CA1: variants seen among roughly 807,000 people sequenced by gnomAD.
The protein encoded by CA1 is carbonic anhydrase 1, also known as carbonate dehydratase I.
In CA1, 27 loss-of-function variants were observed where a neutral mutation model predicts 28.8. The ratio of observed to expected loss-of-function variants is 0.94; its 90% confidence interval spans 0.69 to 1.29. The LOEUF is 1.29. Among genes scored for constraint, CA1 ranks in the 50% most tolerant of loss-of-function variants. The pLI is 0.00. For missense variants in CA1, 335 were observed against 310.5 expected (o/e 1.08, Z -0.59); for synonymous variants, 121 against 108.8 (o/e 1.11, Z -0.70).
At chr8:85,371,726 T>C (rs568667700) in intron 1 of CA1, among the ~76,000 whole-genome samples, 2 of 152,146 alleles carry the variant, frequency 1.3e-5, no homozygotes, top group Non-Finnish European at 2.9e-5. Flanking sequence ...CTTTAGAGAA[T>C]GAGAACAGTA....
chr8:85,331,699 C>A (rs1808412103), intron 6 of CA1, among the ~76,000 whole-genome samples: 1 of 152,080 alleles, frequency 6.6e-6, no homozygotes. Context: ...CTCAAGCAAT[C>A]TACCCGCCTC....
At position 85,329,784 on chromosome 8, in the gene CA1, A is replaced by G. The variant is rs773539602; in HGVS notation, c.574T>C (p.Phe192Leu). The change falls in exon 7 of 8, where the codon TTC becomes CTC. Residue 192 changes from phenylalanine to leucine, a missense_variant. Phe to Leu is a conservative substitution (Grantham distance 22). Coordinates refer to ENST00000523022, the MANE Select transcript of CA1 (RefSeq NM_001128831.4). ...GTCAGAGAGCCAGGGTAGGTCCAGAAATCCAGGGATGAAGGAAGGAGAGTA... is the reference window on the plus strand; with the variant it reads ...GTCAGAGAGCCAGGGTAGGTCCAGAGATCCAGGGATGAAGGAAGGAGAGTA... ...PSTLLPSSLD[F>L]WTYPGSLTHP... 1.9e-4 allele frequency: 302 copies of G among 1,604,832 alleles called. No individual in the cohort carries two copies. The highest frequency in any genetic ancestry group is 2.5e-4 in the Non-Finnish European group (299 of 1,174,836).
At chr8:85,367,331 A>G (rs1255195526) in intron 1 of CA1, among the ~76,000 whole-genome samples, 2 of 152,196 alleles carry the variant, frequency 1.3e-5, no homozygotes, top group Non-Finnish European at 2.9e-5. Flanking sequence ...CACATGGAGA[A>G]GTTATTTTAT....
intron 1 of CA1, among the ~76,000 whole-genome samples, chr8:85,367,748 C>T (rs1463475155): frequency 6.6e-6 from 1 of 152,168 alleles, no homozygotes; most frequent in Non-Finnish European, 1.5e-5. Flanking sequence ...CTTGTATACC[C>T]TTTGTCAGAA....
chr8:85,343,820 T>C (rs954566961), intron 1 of CA1, among the ~76,000 whole-genome samples: 5 of 151,892 alleles, frequency 3.3e-5, no homozygotes, highest in African/African-American at 1.2e-4. Context: ...GGCAGAAAAT[T>C]ATATAGAGAA....
intron 4 of CA1, among the ~76,000 whole-genome samples, chr8:85,336,554 G>T (rs1808662000): frequency 6.6e-6 from 1 of 152,146 alleles, no homozygotes; most frequent in African/African-American, 2.4e-5. Flanking sequence ...AATTGTCCTG[G>T]CTTGGCCACA....
intron 1 of CA1, among the ~76,000 whole-genome samples, chr8:85,358,888 T>C (rs1444799350): frequency 6.6e-6 from 1 of 152,130 alleles, no homozygotes; most frequent in East Asian, 1.9e-4. Flanking sequence ...TGAAATTCAC[T>C]CAGTGAGTAA....
chr8:85,344,483 T>C (rs959380414), intron 1 of CA1, among the ~76,000 whole-genome samples: 2 of 151,010 alleles, frequency 1.3e-5, no homozygotes, highest in Admixed American at 6.6e-5. Flanking sequence ...TTCAGTGTTT[T>C]TAAGTATCTA....
intron 1 of CA1, among the ~76,000 whole-genome samples, chr8:85,374,390 A>C (rs550524178): frequency 6.6e-6 from 1 of 152,300 alleles, no homozygotes; most frequent in Non-Finnish European, 1.5e-5. Context: ...TGGTTGATTA[A>C]AATTTTTGTT....
intron 4 of CA1, among the ~76,000 whole-genome samples, chr8:85,335,473 A>G (rs1417108233): frequency 6.6e-6 from 1 of 152,140 alleles, no homozygotes; most frequent in Non-Finnish European, 1.5e-5. Context: ...TTGAATTTGT[A>G]CAGCTAGTAA....
At chr8:85,358,647 T>C (rs1434965301) in intron 1 of CA1, among the ~76,000 whole-genome samples, 9 of 152,194 alleles carry the variant, frequency 5.9e-5, no homozygotes. Context: ...CTGGTATCCA[T>C]ACCCTTTTGT....
At chr8:85,344,302 AAT>A (rs768510401) in intron 1 of CA1, among the ~76,000 whole-genome samples, 40,134 of 80,168 alleles carry the variant, frequency 0.5, 10,296 homozygotes, top group Non-Finnish European at 0.58. Flanking sequence ...TATATAATAT[AAT>A]TATATATTAT....
intron 1 of CA1, among the ~76,000 whole-genome samples, chr8:85,359,228 G>A (rs1431335375): frequency 6.6e-6 from 1 of 152,196 alleles, no homozygotes; most frequent in Non-Finnish European, 1.5e-5. Flanking sequence ...CAGAAGCCAA[G>A]GTAGAGAGGA....
chr8:85,336,193 T>C (rs1808645881), intron 4 of CA1, among the ~76,000 whole-genome samples: 1 of 152,120 alleles, frequency 6.6e-6, no homozygotes, highest in Admixed American at 6.6e-5. Context: ...GATAAGTGGG[T>C]AAATAGAAAA....
chr8:85,376,642 C>G (rs1585977283), intron 1 of CA1, among the ~76,000 whole-genome samples: 1 of 150,134 alleles, frequency 6.7e-6, no homozygotes, highest in African/African-American at 2.5e-5. Flanking sequence ...AGCCTGGTGA[C>G]AGAGAAATTG....
intron 1 of CA1, among the ~76,000 whole-genome samples, chr8:85,370,413 A>G (rs1810170230): frequency 6.6e-6 from 1 of 152,140 alleles, no homozygotes; most frequent in South Asian, 2.1e-4. Context: ...TTTTAATAGT[A>G]CTAAAACCTT....
chr8:85,361,576 C>G (rs1809798135), intron 1 of CA1, among the ~76,000 whole-genome samples: 1 of 152,084 alleles, frequency 6.6e-6, no homozygotes, highest in Non-Finnish European at 1.5e-5. Context: ...ACTTGGGAGG[C>G]CGAGACAGGA....
intron 1 of CA1, among the ~76,000 whole-genome samples, chr8:85,347,124 A>G (rs1009797073): frequency 2.6e-5 from 4 of 152,322 alleles, no homozygotes; most frequent in Admixed American, 1.3e-4. Flanking sequence ...TACTCCTGAA[A>G]TCAGCTTTTT....
intron 6 of CA1, 151 bp from the exon 7 acceptor site, chr8:85,329,995 G>T: frequency 1.5e-6 from 1 of 677,650 alleles, no homozygotes; most frequent in South Asian, 1.9e-5. Context: ...TTCATGACTG[G>T]CGTGTTTGTG....
Sources: allele counts gnomAD v4.1 joint callset (sites outside exome capture counted in the v4.1 genomes callset), GRCh38; gene constraint gnomAD v4.1.1; transcripts MANE v1.5; gene names NCBI Gene and HGNC (gene_info 2026-07-23, HGNC 2026-07-21).